CDH12: variants seen among roughly 807,000 people sequenced by gnomAD.
The protein encoded by CDH12 is cadherin-12.
A neutral mutation model predicts 74.1 loss-of-function variants in CDH12; 41 were observed. That is an observed-to-expected ratio of 0.55 (90% CI 0.43 to 0.72). The LOEUF (loss-of-function observed/expected upper bound fraction) is 0.72. Ranked by LOEUF, CDH12 falls within the 30% of genes least tolerant of loss-of-function variation. CDH12 has a pLI of 0.00. For synonymous variants in CDH12, 399 were observed against 355.0 expected (o/e 1.12, Z -1.39); for missense variants, 945 against 977.2 (o/e 0.97, Z 0.44).
At chr5:22,738,463 TACATGTAAATA>T (rs918642747) in intron 1 of CDH12, among the ~76,000 whole-genome samples, 1 of 152,028 alleles carries the variant, frequency 6.6e-6, no homozygotes, top group Non-Finnish European at 1.5e-5. Context: ...TTGATATTGT[TACATGTAAATA>T]ACTGACCCAA....
intron 3 of CDH12, among the ~76,000 whole-genome samples, chr5:22,262,115 A>G (rs1409637467): frequency 2.6e-5 from 4 of 151,150 alleles, no homozygotes; most frequent in African/African-American, 9.7e-5. Flanking sequence ...TAATGCATAC[A>G]CTATTTCTTT....
At chr5:22,697,356 G>C (rs1742426129) in intron 1 of CDH12, among the ~76,000 whole-genome samples, 1 of 151,986 alleles carries the variant, frequency 6.6e-6, no homozygotes, top group South Asian at 2.1e-4. Flanking sequence ...TGGATCACGA[G>C]GTCAGGAGAT....
intron 10 of CDH12, among the ~76,000 whole-genome samples, chr5:21,785,418 G>A (rs1335291854): frequency 6.6e-6 from 1 of 152,194 alleles, no homozygotes; most frequent in Non-Finnish European, 1.5e-5. Context: ...TAAGCTCAGT[G>A]AAGAAGGCAT....
chr5:22,420,932 T>G (rs1254593459), intron 2 of CDH12, among the ~76,000 whole-genome samples: 1 of 152,162 alleles, frequency 6.6e-6, no homozygotes, highest in African/African-American at 2.4e-5. Context: ...TTCATAGGTA[T>G]TTTATTCTTT....
chr5:22,233,298 C>CAAA (rs200308137), intron 3 of CDH12, among the ~76,000 whole-genome samples: 10 of 146,684 alleles, frequency 6.8e-5, no homozygotes, highest in African/African-American at 2.5e-4. Context: ...CATAGACAAG[C>CAAA]AAAAAAAATA....
In CDH12 at chr5:22,452,898, A is replaced by AT. The variant is rs772777651; in HGVS notation, c.-427-47548_-427-47547insA. 6.0e-3 allele frequency among the ~76,000 whole-genome samples: 890 copies of AT among 148,536 alleles called. 4 individuals carry two copies. The highest frequency in any genetic ancestry group is 0.021 in the Middle Eastern group (6 of 284). ...CTAAGAGCAAAAAAAAAAAAAAAAA[A>AT]AAAAAATGAGTTAAAAGTGGACCAA... is the stretch of plus-strand genomic sequence containing the variant. On this transcript the variant is annotated intron_variant, in intron 2 of 14. Coordinates refer to ENST00000382254, the MANE Select transcript of CDH12 (RefSeq NM_004061.5).
rs574523544 is a variant in CDH12 at position 21,932,655 on chromosome 5, C to T, written c.526+42436G>A. ...CTGGCGCACGCCTGTAATCCCAGTA[C>T]TTTCGGAGGCCAAGGCAGGTGGACC... On this transcript the variant is annotated intron_variant, in intron 6 of 14. Coordinates refer to ENST00000382254, the MANE Select transcript of CDH12 (RefSeq NM_004061.5). Among the ~76,000 whole-genome samples, 3 of 152,070 alleles carry T rather than the reference C, an allele frequency of 2.0e-5. No individual in the cohort carries two copies. The East Asian group carries it at 5.8e-4, about 29-fold the overall frequency.
At chr5:22,549,417 C>T (rs1738469872) in intron 1 of CDH12, among the ~76,000 whole-genome samples, 1 of 151,982 alleles carries the variant, frequency 6.6e-6, no homozygotes, top group African/African-American at 2.4e-5. Context: ...ATTGGATCTC[C>T]CAACATTTCT....
chr5:21,915,822 CTGTGTGTG>C lies in CDH12; in HGVS notation c.526+59261_526+59268del, dbSNP rs36126825. 5.0e-3 allele frequency among the ~76,000 whole-genome samples: 705 copies of C among 140,122 alleles called. 6 individuals are homozygous for C. Among genetic ancestry groups the C allele is most frequent in the African/African-American group, 0.017 (633 of 37,768 alleles). 91.9% of individuals were successfully genotyped at this position (140,122 alleles called of 152,430 possible). On this transcript the variant is annotated intron_variant, in intron 6 of 14. Transcript: ENST00000382254. Reference sequence around the variant, plus strand: ...GTACACCAGTTTCTGATCATTTGTGCTGTGTGTGTGTGTGTGTGTGTGTGTGTGTGTGT... The same window carrying C: ...GTACACCAGTTTCTGATCATTTGTGCTGTGTGTGTGTGTGTGTGTGTGTGT...
At chr5:22,608,832 A>T (rs1174363078) in intron 1 of CDH12, among the ~76,000 whole-genome samples, 1 of 152,112 alleles carries the variant, frequency 6.6e-6, no homozygotes, top group East Asian at 1.9e-4. Flanking sequence ...GGTGCCTTCC[A>T]CCATGATTCT....
chr5:21,983,154 A>G (rs1392222777), intron 5 of CDH12, among the ~76,000 whole-genome samples: 1 of 152,166 alleles, frequency 6.6e-6, no homozygotes, highest in Non-Finnish European at 1.5e-5. Flanking sequence ...TTTCTTAATA[A>G]TGAGTGTATG....
chr5:21,910,874 A>G (rs1257052329), intron 6 of CDH12, among the ~76,000 whole-genome samples: 3 of 152,072 alleles, frequency 2.0e-5, no homozygotes, highest in African/African-American at 4.8e-5. Flanking sequence ...AGAGGACTCA[A>G]TAACTCAGAT....
Position 22,770,296 on chromosome 5 carries a change from T to C in CDH12, c.-523+82762A>G, listed in dbSNP as rs1580982870. Among the ~76,000 whole-genome samples the C allele has an allele frequency of 2.0e-5, 3 of 152,286 alleles. 1 individual carries two copies. The highest frequency in any genetic ancestry group is 2.0e-4 in the Admixed American group (3 of 15,272). On this transcript the variant is annotated intron_variant, in intron 1 of 14. Coordinates refer to ENST00000382254, the MANE Select transcript of CDH12 (RefSeq NM_004061.5). Reference sequence around the variant, plus strand: ...CAGATTAAAGAAAAGCAAACAGGATTGGCATACAGGGGAAGAAAACATATA... The same window carrying C: ...CAGATTAAAGAAAAGCAAACAGGATCGGCATACAGGGGAAGAAAACATATA...
intron 5 of CDH12, among the ~76,000 whole-genome samples, chr5:22,029,240 A>G (rs1476174084): frequency 3.9e-5 from 6 of 152,234 alleles, no homozygotes; most frequent in African/African-American, 1.4e-4. Flanking sequence ...AGCAATGGCA[A>G]CAAAAGACAA....
intron 2 of CDH12, among the ~76,000 whole-genome samples, chr5:22,469,639 A>G (rs2551494): frequency 0.43 from 65,043 of 151,904 alleles, 14,394 homozygotes; most frequent in Admixed American, 0.61. Flanking sequence ...TAAATGAGGG[A>G]AGGTTTACTT....
intron 2 of CDH12, among the ~76,000 whole-genome samples, chr5:22,417,425 A>G (rs1041091260): frequency 6.6e-6 from 1 of 152,226 alleles, no homozygotes; most frequent in Non-Finnish European, 1.5e-5. Flanking sequence ...AGCCTCATCC[A>G]GCCTCTTTCC....
At chr5:21,791,510 G>A (rs1746496729) in intron 10 of CDH12, among the ~76,000 whole-genome samples, 1 of 151,820 alleles carries the variant, frequency 6.6e-6, no homozygotes, top group African/African-American at 2.4e-5. Flanking sequence ...GTGTAATTTG[G>A]CCTAACAGAT....
intron 3 of CDH12, among the ~76,000 whole-genome samples, chr5:22,222,099 T>G (rs956282748): frequency 1.3e-5 from 2 of 151,970 alleles, no homozygotes; most frequent in African/African-American, 2.4e-5. Flanking sequence ...TAGTAAATAT[T>G]AGCTGAGCAA....
intron 11 of CDH12, chr5:21,774,448 G>T (rs113609494): frequency 0.02 from 3,042 of 152,018 alleles, 37 homozygotes; most frequent in Admixed American, 0.043. Context: ...TTGGGACTCC[G>T]ACTGGCTTCC....
Sources: allele counts gnomAD v4.1 joint callset (sites outside exome capture counted in the v4.1 genomes callset), GRCh38; gene constraint gnomAD v4.1.1; transcripts MANE v1.5; gene names NCBI Gene and HGNC (gene_info 2026-07-23, HGNC 2026-07-21).